Variants in ANKRD12 observed in about 807,000 individuals in gnomAD.
The protein encoded by ANKRD12 is ankyrin repeat domain-containing protein 12.
In ANKRD12, 85 loss-of-function variants were observed where a neutral mutation model predicts 183.4. The observed-to-expected ratio is 0.46, with a 90% confidence interval of 0.39 to 0.56. The LOEUF (loss-of-function observed/expected upper bound fraction) is 0.56, where lower values mean the gene tolerates loss of function less well. Among genes scored for constraint, ANKRD12 ranks in the 20% least tolerant of loss-of-function variants. The pLI, the probability that ANKRD12 is intolerant of heterozygous loss-of-function variation, is 0.00. For synonymous variants in ANKRD12, 914 were observed against 800.2 expected (o/e 1.14, Z -2.40); for missense variants, 2,405 against 2,357.1 (o/e 1.02, Z -0.42).
chr18:9,254,751 A>G lies in ANKRD12; in HGVS notation c.1484A>G (p.Lys495Arg). 3 of 1,473,940 alleles carry G rather than the reference A, an allele frequency of 2.0e-6. No individual in the cohort carries two copies. The South Asian group carries it at 4.6e-5, about 23-fold the overall frequency. 91.3% of individuals were successfully genotyped at this position (1,473,940 alleles called of 1,614,324 possible). The change falls in exon 9 of 13, where the codon AAA (lysine) becomes AGA (arginine). Residue 495 changes from lysine (K) to arginine (R), a missense_variant. By Grantham distance (26) the Lys-to-Arg change is conservative. Coordinates refer to ENST00000262126, the MANE Select transcript of ANKRD12 (RefSeq NM_015208.5). ...GAGCTAAAGCAAGAAAAGGAAGGAA[A>G]AGAAAATACAAGAATAACAAACTTG... ...NQELKQEKEG[K>R]ENTRITNLTV...
At chr18:9,138,382 G>A (rs182485749) in intron 1 of ANKRD12, among the ~76,000 whole-genome samples, 1 of 152,106 alleles carries the variant, frequency 6.6e-6, no homozygotes, top group Admixed American at 6.5e-5. Context: ...GCGTGGTGGC[G>A]CATGTCTGTA....
chr18:9,247,743 T>G (rs2038047379), intron 8 of ANKRD12, among the ~76,000 whole-genome samples: 1 of 152,216 alleles, frequency 6.6e-6, no homozygotes, highest in Non-Finnish European at 1.5e-5. Context: ...TTTCCCAGAG[T>G]CTGGATTTTG....
chr18:9,174,502 A>G (rs934320588), intron 1 of ANKRD12, among the ~76,000 whole-genome samples: 4 of 152,204 alleles, frequency 2.6e-5, no homozygotes, highest in African/African-American at 7.2e-5. Flanking sequence ...GCCTGGGTTC[A>G]TGAGGGGATC....
intron 5 of ANKRD12, among the ~76,000 whole-genome samples, chr18:9,210,793 C>T (rs907138710): frequency 5.4e-5 from 8 of 147,848 alleles, no homozygotes; most frequent in African/African-American, 7.4e-5. Flanking sequence ...GATGGTATTG[C>T]CTTAGAGCTC....
intron 1 of ANKRD12, among the ~76,000 whole-genome samples, chr18:9,167,426 C>G (rs954413649): frequency 7.2e-5 from 11 of 152,228 alleles, no homozygotes; most frequent in Admixed American, 5.9e-4. Flanking sequence ...TTGAAGAAGT[C>G]CTTCACATCC....
chr18:9,169,059 G>A (rs2032401030), intron 1 of ANKRD12, among the ~76,000 whole-genome samples: 1 of 152,042 alleles, frequency 6.6e-6, no homozygotes, highest in Non-Finnish European at 1.5e-5. Context: ...CTGAGTTCTA[G>A]TTTGATTGCA....
chr18:9,247,683 T>C (rs1197165438), intron 8 of ANKRD12, among the ~76,000 whole-genome samples: 1 of 152,228 alleles, frequency 6.6e-6, no homozygotes, highest in African/African-American at 2.4e-5. Flanking sequence ...TTCTTTCCTA[T>C]GTTCTTGGAA....
chr18:9,244,493 A>C (rs2037841059), intron 8 of ANKRD12, among the ~76,000 whole-genome samples: 1 of 152,176 alleles, frequency 6.6e-6, no homozygotes, highest in Non-Finnish European at 1.5e-5. Context: ...CTCTAACTCA[A>C]GATTTTGATT....
intron 3 of ANKRD12, among the ~76,000 whole-genome samples, chr18:9,196,592 G>GA (rs1291397855): frequency 6.6e-6 from 1 of 152,042 alleles, no homozygotes; most frequent in Admixed American, 6.6e-5. Flanking sequence ...CTTGACTCTG[G>GA]AAACTGAAAA....
At chr18:9,161,521 G>T (rs994922177) in intron 1 of ANKRD12, among the ~76,000 whole-genome samples, 7 of 151,588 alleles carry the variant, frequency 4.6e-5, no homozygotes, top group Non-Finnish European at 1.0e-4. Flanking sequence ...GACCACAGGC[G>T]CCCGCCACCA....
chr18:9,243,875 C>T (rs944415017), intron 8 of ANKRD12, among the ~76,000 whole-genome samples: 6 of 152,216 alleles, frequency 3.9e-5, no homozygotes, highest in African/African-American at 1.2e-4. Flanking sequence ...TGGCCCACGC[C>T]TGTAATCCCA....
chr18:9,183,180 G>A (rs2033822829), intron 2 of ANKRD12, among the ~76,000 whole-genome samples: 1 of 152,142 alleles, frequency 6.6e-6, no homozygotes, highest in South Asian at 2.1e-4. Context: ...AAATCAGGAA[G>A]TGTAAGTTTT....
chr18:9,218,240 C>T (rs1445462263), intron 7 of ANKRD12, among the ~76,000 whole-genome samples: 2 of 152,160 alleles, frequency 1.3e-5, no homozygotes, highest in Non-Finnish European at 2.9e-5. Context: ...ACCTTTTGAG[C>T]TCATGTACTT....
In ANKRD12 at chr18:9,182,456, AC is replaced by A; in HGVS notation, c.26del (p.Pro9GlnfsTer14). The A allele has an allele frequency of 6.2e-7, 1 of 1,611,870 alleles. No individual in the cohort carries two copies. The highest frequency in any genetic ancestry group is 8.5e-7 in the Non-Finnish European group (1 of 1,178,848). MPKSGFTKPIQSENSDSDS... is the reference protein window; with the variant it reads MPKSGFTKXIQSENSDSDS... ...AAATGCCCAAATCTGGGTTCACAAA[AC>A]CAATTCAGAGTGAAAATTCTGACAG... On this transcript the variant is annotated frameshift_variant, in exon 2 of 13. Transcript: ENST00000262126. LOFTEE classifies it high-confidence loss of function.
intron 2 of ANKRD12, among the ~76,000 whole-genome samples, chr18:9,183,113 T>A (rs185787547): frequency 1.3e-5 from 2 of 152,352 alleles, no homozygotes; most frequent in East Asian, 3.9e-4. Flanking sequence ...GTTGCCCATT[T>A]GTAGTCAGTC....
At chr18:9,204,451 TCTC>T (rs747136144) in intron 3 of ANKRD12, 22 bp from the exon 4 acceptor site, 5 of 1,557,412 alleles carry the variant, frequency 3.2e-6, no homozygotes, top group Non-Finnish European at 3.5e-6. Flanking sequence ...TTTTTTCTCT[TCTC>T]CTGTCTCTTC....
At chr18:9,153,879 A>G (rs772596615) in intron 1 of ANKRD12, among the ~76,000 whole-genome samples, 2 of 152,040 alleles carry the variant, frequency 1.3e-5, no homozygotes, top group Non-Finnish European at 2.9e-5. Flanking sequence ...TATCTATTAT[A>G]TACCTAATCT....
rs1189156478 is a variant in ANKRD12 at position 9,262,794 on chromosome 18, T to TC, written c.5665-996_5665-995insC. On this transcript the variant is annotated intron_variant, in intron 9 of 12. Coordinates refer to ENST00000262126, the MANE Select transcript of ANKRD12 (RefSeq NM_015208.5). Reference sequence around the variant, plus strand: ...TGCCCAGCCAAGATGTCCCTTTTTTTTTTTTTTTTTTTTTTTTTTTTTGAG... The same window carrying TC: ...TGCCCAGCCAAGATGTCCCTTTTTTTCTTTTTTTTTTTTTTTTTTTTTTGAG... Among the ~76,000 whole-genome samples the TC allele has an allele frequency of 1.7e-5, 2 of 116,834 alleles. 1 individual carries two copies. The highest frequency in any genetic ancestry group is 3.6e-5 in the Non-Finnish European group (2 of 55,264). 76.6% of individuals were successfully genotyped at this position (116,834 alleles called of 152,430 possible). A position where few individuals can be genotyped will look rare whatever the true frequency, so the allele number is the denominator to read the frequency against.
intron 2 of ANKRD12, among the ~76,000 whole-genome samples, chr18:9,191,843 T>TC (rs533675399): frequency 6.5e-4 from 99 of 152,228 alleles, no homozygotes; most frequent in African/African-American, 2.3e-3. Context: ...TGGCCATCTG[T>TC]CCTAATCACC....
Sources: gnomAD v4.1 joint callset for allele counts (sites outside exome capture counted in the v4.1 genomes callset) on GRCh38, gnomAD v4.1.1 for gene constraint, MANE v1.5 for transcripts, NCBI Gene and HGNC (gene_info 2026-07-23, HGNC 2026-07-21) for gene names.